Variants in KCNJ18 observed in about 807,000 individuals in gnomAD.
KCNJ18 encodes the protein potassium inwardly rectifying channel subfamily J member 18.
A neutral mutation model predicts 17.3 loss-of-function variants in KCNJ18; 16 were observed. The observed-to-expected ratio is 0.92, with a 90% CI of 0.62 to 1.40. The LOEUF is 1.40. Ranked by LOEUF, KCNJ18 falls within the 40% of genes most tolerant of loss-of-function variation. KCNJ18 has a pLI of 0.00. For missense variants in KCNJ18, 462 were observed against 626.8 expected (o/e 0.74, Z 2.81); for synonymous variants, 185 against 262.6 (o/e 0.70, Z 2.86).
At chr17:21,699,061 C>T (rs1597756075) in intron 2 of KCNJ18, among the ~76,000 whole-genome samples, 1 of 152,124 alleles carries the variant, frequency 6.6e-6, no homozygotes, top group African/African-American at 2.4e-5. Flanking sequence ...CTTGTCTTGG[C>T]CCTGGAATTG....
At chr17:21,695,717 T>G (rs1219725924) in intron 1 of KCNJ18, among the ~76,000 whole-genome samples, 126 of 152,418 alleles carry the variant, frequency 8.3e-4, no homozygotes, top group Admixed American at 1.4e-3. Context: ...TACTATAGTG[T>G]CTGGCATGCA....
intron 2 of KCNJ18, among the ~76,000 whole-genome samples, chr17:21,699,917 C>A (rs2142269872): frequency 6.6e-6 from 1 of 152,382 alleles, no homozygotes; most frequent in South Asian, 2.1e-4. Flanking sequence ...CTGCTTGGAG[C>A]AGGGGCTGGA....
chr17:21,702,207 T>C lies in KCNJ18; in HGVS notation c.-56-524T>C, dbSNP rs1232576389. Reference sequence around the variant, plus strand: ...ACAGCCTGGTGCCAGGGGCTGTGGCTGGATGGGGAGTCCGCTGGAGGAGGC... The same window carrying C: ...ACAGCCTGGTGCCAGGGGCTGTGGCCGGATGGGGAGTCCGCTGGAGGAGGC... On this transcript the variant is annotated intron_variant, in intron 2 of 2. Coordinates refer to ENST00000567955, the MANE Select transcript of KCNJ18 (RefSeq NM_001194958.2). 9.9e-3 allele frequency among the ~76,000 whole-genome samples: 1,488 copies of C among 149,796 alleles called. 14 individuals carry two copies. Among genetic ancestry groups the C allele is most frequent in the Non-Finnish European group, 0.013 (858 of 67,098 alleles).
At chr17:21,698,257 A>T (rs1214526900) in intron 2 of KCNJ18, among the ~76,000 whole-genome samples, 1 of 152,120 alleles carries the variant, frequency 6.6e-6, no homozygotes, top group African/African-American at 2.4e-5. Flanking sequence ...AGGCTGTGTA[A>T]CCATCACAGT....
intron 2 of KCNJ18, 88 bp from the exon 3 acceptor site, chr17:21,702,642 TC>T: frequency 1.1e-6 from 1 of 884,494 alleles, no homozygotes; most frequent in Non-Finnish European, 1.7e-6. Context: ...GGTGGAAGCG[TC>T]CTCCAGTCAC....
Position 21,703,092 on chromosome 17 carries a change from C to A in KCNJ18, c.306C>A (p.Phe102Leu), listed in dbSNP as rs1213355234. The change falls in exon 3 of 3, where the codon TTC (phenylalanine) becomes TTA (leucine). Residue 102 changes from phenylalanine to leucine, a missense_variant. Physicochemically the swap from Phe to Leu is conservative, Grantham distance 22. Transcript: ENST00000567955. The part of the protein sequence containing the change: ...LASWLLFGVI[F>L]WVIAVAHGDL... ...CCTGGCTGCTGTTCGGCGTCATCTT[C>A]TGGGTCATCGCGGTGGCACACGGTG... 1.2e-6 allele frequency: 2 copies of A among 1,612,880 alleles called. No homozygotes were observed. The highest frequency in any genetic ancestry group is 2.7e-5 in the African/African-American group (2 of 75,072).
At position 21,703,862 on chromosome 17, in the gene KCNJ18, C is replaced by A. The variant is rs1187689188; in HGVS notation, c.1076C>A (p.Ala359Glu). 4 of 1,612,554 alleles carry A rather than the reference C, an allele frequency of 2.5e-6. No homozygotes were observed. The highest frequency in any genetic ancestry group is 1.3e-5 in the African/African-American group (1 of 74,848). ...YEVPSTPRCS[A>E]KDLVENKFLL... ...GTGCCCTCTACGCCCCGCTGCAGTG[C>A]GAAGGATCTGGTAGAGAACAAGTTC... Residue 359 changes from alanine (A) to glutamate (E), a missense_variant, in exon 3 of 3, where the codon GCG becomes GAG. By Grantham distance (107) the Ala-to-Glu change is moderately radical. Around this residue, in one of 5 missense-constraint regions of KCNJ18, gnomAD observed 123 missense variants for 117.5 expected, o/e 1.05. Transcript: ENST00000567955.
intron 2 of KCNJ18, among the ~76,000 whole-genome samples, chr17:21,696,436 C>T (rs1197018576): frequency 6.6e-6 from 1 of 152,334 alleles, no homozygotes; most frequent in African/African-American, 2.4e-5. Flanking sequence ...ATCCACCCAT[C>T]TGCCTGACCA....
At chr17:21,694,143 G>C (rs1905687567) in intron 1 of KCNJ18, among the ~76,000 whole-genome samples, 5 of 152,120 alleles carry the variant, frequency 3.3e-5, no homozygotes, top group African/African-American at 1.2e-4. Flanking sequence ...GATGATGTGG[G>C]GGTGACTCAC....
chr17:21,699,709 G>C (rs1451489162), intron 2 of KCNJ18, among the ~76,000 whole-genome samples: 3 of 152,428 alleles, frequency 2.0e-5, no homozygotes, highest in East Asian at 3.8e-4. Flanking sequence ...GTCAACAGAA[G>C]TGGGGGTTTC....
chr17:21,694,207 C>G (rs1905688891), intron 1 of KCNJ18, among the ~76,000 whole-genome samples: 1 of 152,128 alleles, frequency 6.6e-6, no homozygotes, highest in African/African-American at 2.4e-5. Flanking sequence ...CCAGCCTCGG[C>G]TGTAACCTTG....
chr17:21,702,888 CAAGGT>C lies in KCNJ18; in HGVS notation c.103_107del (p.Lys35AlafsTer34), dbSNP rs2142272695. Reference sequence around the variant, plus strand: ...CGGGCGCCAACGGCTTCGGCAACGGCAAGGTGCACACGCGGCGCAGGTGCCGCAAC... The same window carrying C: ...CGGGCGCCAACGGCTTCGGCAACGGCGCACACGCGGCGCAGGTGCCGCAAC... On this transcript the variant is annotated frameshift_variant, in exon 3 of 3. Transcript: ENST00000567955. LOFTEE classifies it high-confidence loss of function. 6.2e-7 allele frequency: 1 copy of C among 1,600,166 alleles called. No individual in the cohort carries two copies. Among genetic ancestry groups the C allele is most frequent in the East Asian group, 2.3e-5 (1 of 43,882 alleles).
intron 2 of KCNJ18, among the ~76,000 whole-genome samples, chr17:21,696,601 G>A (rs1905766185): frequency 6.6e-6 from 1 of 152,228 alleles, no homozygotes; most frequent in Non-Finnish European, 1.5e-5. Flanking sequence ...AGCTTGGTCA[G>A]AGATGGGGCC....
chr17:21,695,794 G>A (rs1597754644), intron 1 of KCNJ18, among the ~76,000 whole-genome samples, 189 bp from the exon 2 acceptor site: 1 of 152,308 alleles, frequency 6.6e-6, no homozygotes, highest in South Asian at 2.1e-4. Flanking sequence ...CTCTTCTCTG[G>A]TTCTGGATGG....
intron 1 of KCNJ18, among the ~76,000 whole-genome samples, chr17:21,695,626 T>G (rs1455601558): frequency 1.5e-4 from 23 of 152,400 alleles, no homozygotes; most frequent in African/African-American, 5.5e-4. Context: ...CCACATTAAC[T>G]ACTTCTCTGG....
Position 21,703,912 on chromosome 17 carries a change from T to C in KCNJ18, c.1126T>C (p.Cys376Arg). 3.1e-6 allele frequency: 5 copies of C among 1,612,462 alleles called. No individual in the cohort carries two copies. The highest frequency in any genetic ancestry group is 2.2e-5 in the East Asian group (1 of 44,868). ...CCTGCTGCCCAGTGCCAACTCCTTC[T>C]GCTATGAGAACGAGCTGGCCTTCCT... ...KFLLPSANSF[C>R]YENELAFLSR... The change falls in exon 3 of 3, where the codon TGC (cysteine) becomes CGC (arginine). Residue 376 changes from cysteine to arginine, a missense_variant. Transcript: ENST00000567955.
At chr17:21,698,951 C>T (rs1466438194) in intron 2 of KCNJ18, among the ~76,000 whole-genome samples, 2 of 152,234 alleles carry the variant, frequency 1.3e-5, no homozygotes, top group East Asian at 3.8e-4. Flanking sequence ...AGGTAGTGTA[C>T]CCCAGCGCCC....
At position 21,702,948 on chromosome 17, in the gene KCNJ18, C is replaced by G. The variant is rs1906017183; in HGVS notation, c.162C>G (p.Asn54Lys). The stretch of plus-strand genomic sequence containing the variant: ...TCGTCAAGAAGAATGGCCAGTGCAA[C>G]ATTGCGTTCGCCAACATGGACGAGA... ...NRFVKKNGQC[N>K]IAFANMDEKS... The change falls in exon 3 of 3, where the codon AAC becomes AAG. Residue 54 changes from asparagine (N) to lysine (K), a missense_variant. Transcript: ENST00000567955. The G allele has an allele frequency of 4.5e-5, 71 of 1,584,024 alleles. 1 individual carries two copies. The South Asian group carries it at 7.9e-4, about 18-fold the overall frequency.
chr17:21,704,328 G>A lies in KCNJ18; in HGVS notation c.*240G>A. ...GCTCAGGGCAAAGAAGTGGCCTCCTGGGGGGCCAGGCCACGGGGGCCAGGG... is the reference window on the plus strand; with the variant it reads ...GCTCAGGGCAAAGAAGTGGCCTCCTAGGGGGCCAGGCCACGGGGGCCAGGG... On this transcript the variant is annotated 3_prime_UTR_variant, in exon 3 of 3. Coordinates refer to ENST00000567955, the MANE Select transcript of KCNJ18 (RefSeq NM_001194958.2). 1.9e-6 allele frequency: 1 copy of A among 531,142 alleles called. No homozygotes were observed. The highest frequency in any genetic ancestry group is 3.2e-6 in the Non-Finnish European group (1 of 311,528). The allele number at this position is 531,142 out of a possible 1,614,324, so 32.9% of individuals were successfully genotyped here.
Sources: allele counts gnomAD v4.1 joint callset (sites outside exome capture counted in the v4.1 genomes callset), GRCh38; gene constraint gnomAD v4.1.1; regional missense constraint gnomAD v4.1.1; transcripts MANE v1.5; gene names NCBI Gene and HGNC (gene_info 2026-07-23, HGNC 2026-07-21).